Variants in CBFA2T3 observed in about 807,000 individuals in gnomAD.
CBFA2T3 encodes transcriptional corepressor CBFA2T3.
CBFA2T3 carries 31 observed loss-of-function variants against 58.6 expected under a neutral mutation model. The ratio of observed to expected loss-of-function variants is 0.53; its 90% CI spans 0.40 to 0.71. The LOEUF (loss-of-function observed/expected upper bound fraction) is 0.71, where lower values mean the gene tolerates loss of function less well. Among genes scored for constraint, CBFA2T3 ranks in the 30% least tolerant of loss-of-function variants. CBFA2T3 has a pLI of 0.00. For missense variants in CBFA2T3, 1,076 were observed against 963.1 expected (o/e 1.12, Z -1.55); for synonymous variants, 531 against 421.9 (o/e 1.26, Z -3.17).
rs1969327056 is a variant in CBFA2T3, at chr16:88,885,510, C to T, written c.894-241G>A. On this transcript the variant is annotated intron_variant, in intron 6 of 11. Transcript: ENST00000268679. This position sits in a 1 kb window ranked among gnomAD's most constrained non-coding sequence, Gnocchi z 5.3. ...GCTCCAGCTGCATGGCATCCTGGGG[C>T]CTGGTGGTCAAAGAGCCGGACTCGC... is the stretch of plus-strand genomic sequence containing the variant. Among the ~76,000 whole-genome samples the T allele has an allele frequency of 6.6e-6, 1 of 152,124 alleles. No homozygotes were observed. The highest frequency in any genetic ancestry group is 6.5e-5 in the Admixed American group (1 of 15,282).
intron 2 of CBFA2T3, 40 bp from the exon 3 acceptor site, chr16:88,898,192 G>T: frequency 6.7e-7 from 1 of 1,494,248 alleles, no homozygotes; most frequent in South Asian, 1.1e-5. Flanking sequence ...CAGGAGGGGC[G>T]TGGGCAGGAG....
intron 5 of CBFA2T3, chr16:88,887,236 C>T (rs1174862235): frequency 1.3e-5 from 2 of 152,292 alleles, no homozygotes; most frequent in African/African-American, 4.8e-5. Context: ...CGGCTGCCGG[C>T]CTGTTTTTCT....
At chr16:88,905,932 G>A (rs1170081039) in intron 1 of CBFA2T3, among the ~76,000 whole-genome samples, 1 of 150,752 alleles carries the variant, frequency 6.6e-6, no homozygotes, top group African/African-American at 2.5e-5. Flanking sequence ...TGGGCAGGGA[G>A]GCACCGTGGG....
At chr16:88,967,060 C>T (rs1348750485) in intron 1 of CBFA2T3, among the ~76,000 whole-genome samples, 1 of 152,170 alleles carries the variant, frequency 6.6e-6, no homozygotes, top group Non-Finnish European at 1.5e-5. Flanking sequence ...CGCACTCAAC[C>T]TCTCTCCATA....
At chr16:88,894,356 GCATA>G (rs1229965026) in intron 3 of CBFA2T3, among the ~76,000 whole-genome samples, 2 of 81,490 alleles carry the variant, frequency 2.5e-5, no homozygotes, top group Non-Finnish European at 4.5e-5. Context: ...ACACACACAT[GCATA>G]CATATACACA....
At chr16:88,919,488 C>A (rs957260128) in intron 1 of CBFA2T3, among the ~76,000 whole-genome samples, 1 of 152,218 alleles carries the variant, frequency 6.6e-6, no homozygotes, top group Non-Finnish European at 1.5e-5. Context: ...TTCCTAACAT[C>A]AGCGTGGCCT....
chr16:88,940,570 T>C (rs1015012468), intron 1 of CBFA2T3, among the ~76,000 whole-genome samples: 3 of 152,072 alleles, frequency 2.0e-5, no homozygotes, highest in Non-Finnish European at 4.4e-5. Context: ...GGACCACCTT[T>C]AGCCTGCGGG....
intron 3 of CBFA2T3, among the ~76,000 whole-genome samples, chr16:88,896,225 G>C (rs191394387): frequency 5.3e-5 from 8 of 152,156 alleles, no homozygotes; most frequent in Admixed American, 2.6e-4. Flanking sequence ...TTTCCCTACG[G>C]GGGGGCTGCA....
At chr16:88,923,828 C>T (rs973177424) in intron 1 of CBFA2T3, among the ~76,000 whole-genome samples, 1 of 152,184 alleles carries the variant, frequency 6.6e-6, no homozygotes, top group African/African-American at 2.4e-5. Flanking sequence ...GAATGCCGAA[C>T]CCACCCCCGA....
At chr16:88,949,138 A>T (rs1971980000) in intron 1 of CBFA2T3, among the ~76,000 whole-genome samples, 1 of 152,272 alleles carries the variant, frequency 6.6e-6, no homozygotes, top group African/African-American at 2.4e-5. Flanking sequence ...AGAGCAATTT[A>T]TATAATACCA....
chr16:88,909,507 C>CGGAAGAT (rs1567600683), intron 1 of CBFA2T3, among the ~76,000 whole-genome samples: 78 of 76,040 alleles, frequency 1.0e-3, no homozygotes, highest in African/African-American at 3.7e-3. Flanking sequence ...GGACGGAGGA[C>CGGAAGAT]GCCACTGCAA....
At chr16:88,890,099 C>T (rs201228062) in intron 5 of CBFA2T3, among the ~76,000 whole-genome samples, 2 of 151,554 alleles carry the variant, frequency 1.3e-5, no homozygotes, top group African/African-American at 2.4e-5. Context: ...CTCCAGGGGA[C>T]GTTTCAAATC....
At chr16:88,925,829 G>A (rs749763471) in intron 1 of CBFA2T3, among the ~76,000 whole-genome samples, 9 of 152,228 alleles carry the variant, frequency 5.9e-5, no homozygotes, top group African/African-American at 1.2e-4. Context: ...GCGGCATAGG[G>A]AGCCCCGGTA....
intron 1 of CBFA2T3, among the ~76,000 whole-genome samples, chr16:88,921,803 G>A (rs1006351282): frequency 3.9e-5 from 6 of 152,346 alleles, no homozygotes; most frequent in African/African-American, 1.4e-4. Context: ...CTTCCTCGGC[G>A]GCACCTGGGA....
chr16:88,952,389 C>T (rs887842210), intron 1 of CBFA2T3, among the ~76,000 whole-genome samples: 5 of 151,864 alleles, frequency 3.3e-5, no homozygotes, highest in Admixed American at 2.0e-4. Flanking sequence ...AGGGAGCTGC[C>T]GCCCTCCAAT....
At chr16:88,915,853 T>G (rs1970700925) in intron 1 of CBFA2T3, among the ~76,000 whole-genome samples, 1 of 151,874 alleles carries the variant, frequency 6.6e-6, no homozygotes, top group African/African-American at 2.4e-5. Context: ...AGTCAGAATC[T>G]CGCCCTCTCT....
intron 2 of CBFA2T3, among the ~76,000 whole-genome samples, chr16:88,899,913 C>A (rs1289365371): frequency 1.3e-5 from 2 of 152,134 alleles, no homozygotes; most frequent in African/African-American, 2.4e-5. Context: ...GGTGTGGTCG[C>A]AAGCTGCCTG....
chr16:88,891,694 G>A (rs556002508), intron 5 of CBFA2T3, among the ~76,000 whole-genome samples, 188 bp downstream of exon 5: 25 of 152,246 alleles, frequency 1.6e-4, no homozygotes, highest in African/African-American at 6.0e-4. Context: ...CTAGTCAGCA[G>A]TGCTCCCCTA....
At chr16:88,940,990 G>A in intron 1 of CBFA2T3, 7 of 961,704 alleles carry the variant, frequency 7.3e-6, no homozygotes, top group Non-Finnish European at 8.7e-6. Flanking sequence ...GTAGAGCGGC[G>A]GCGGCGCGCG....
Sources: allele counts gnomAD v4.1 joint callset (sites outside exome capture counted in the v4.1 genomes callset), GRCh38; gene constraint gnomAD v4.1.1; non-coding constraint Gnocchi (gnomAD v3.1); transcripts MANE v1.5; gene names NCBI Gene and HGNC (gene_info 2026-07-23, HGNC 2026-07-21).